The following MIPEP variants were observed in gnomAD, a reference collection of about 807,000 sequenced individuals.
The protein encoded by MIPEP is mitochondrial intermediate peptidase.
Under a neutral mutation model 90.3 loss-of-function variants are expected in MIPEP, and 79 were observed. The observed-to-expected ratio is 0.87, with a 90% confidence interval of 0.73 to 1.05. The LOEUF is 1.05. Ranked by LOEUF, MIPEP falls within the 50% of genes least tolerant of loss-of-function variation. The pLI is 0.00. For missense variants in MIPEP, 940 were observed against 905.6 expected, an observed-to-expected ratio of 1.04 and a Z score of -0.49; for synonymous variants, 334 against 315.8, an observed-to-expected ratio of 1.06 and a Z score of -0.61.
chr13:23,786,224 T>A (rs1952838210), intron 16 of MIPEP, among the ~76,000 whole-genome samples: 1 of 152,092 alleles, frequency 6.6e-6, no homozygotes, highest in Non-Finnish European at 1.5e-5. Flanking sequence ...GAGGACCGTA[T>A]CTTAAAAAAG....
At chr13:23,853,224 T>TA (rs1158562008) in intron 10 of MIPEP, among the ~76,000 whole-genome samples, 1 of 152,196 alleles carries the variant, frequency 6.6e-6, no homozygotes, top group Non-Finnish European at 1.5e-5. Flanking sequence ...TGGTGTACGG[T>TA]AATGTCCTAG....
chr13:23,768,722 G>A (rs1565987049), intron 16 of MIPEP, among the ~76,000 whole-genome samples: 1 of 152,128 alleles, frequency 6.6e-6, no homozygotes, highest in African/African-American at 2.4e-5. Flanking sequence ...GTGACAGAGT[G>A]AGACTCTGTC....
At position 23,836,264 on chromosome 13, in the gene MIPEP, A is replaced by G. The variant is rs766331932; in HGVS notation, c.1629T>C (p.Phe543=). The change falls in exon 14 of 19, where the codon TTT becomes TTC. Residue 543 remains phenylalanine (F), a synonymous_variant. Coordinates refer to ENST00000382172, the MANE Select transcript of MIPEP (RefSeq NM_005932.4). The stretch of plus-strand genomic sequence containing the variant: ...CCTGTCCAGTCTGATAATGTCTGGC[A>G]AATTGGTTAACTACTCGATAATCAT... The part of the protein sequence containing the change: ...FANDYRVVNQ[F]ARHYQTGQPL... 8.1e-6 allele frequency: 13 copies of G among 1,604,572 alleles called. No homozygotes were observed. Among genetic ancestry groups the G allele is most frequent in the Middle Eastern group, 1.7e-4 (1 of 6,050 alleles).
intron 14 of MIPEP, among the ~76,000 whole-genome samples, chr13:23,825,357 GAGA>G (rs1367579650): frequency 1.3e-5 from 2 of 152,182 alleles, no homozygotes; most frequent in Non-Finnish European, 2.9e-5. Flanking sequence ...AGGATGACAG[GAGA>G]AGATTTATTA....
chr13:23,751,337 G>A (rs1191902423), intron 18 of MIPEP, among the ~76,000 whole-genome samples: 3 of 152,198 alleles, frequency 2.0e-5, no homozygotes, highest in African/African-American at 7.2e-5. Context: ...ATTTTAATCA[G>A]CTTAAGGTAA....
intron 8 of MIPEP, 55 bp from the exon 9 acceptor site, chr13:23,862,417 T>G (rs995152742): frequency 1.0e-6 from 1 of 972,232 alleles, no homozygotes; most frequent in Admixed American, 2.1e-5. Flanking sequence ...AATTACATTA[T>G]GAAAGGACTA....
intron 14 of MIPEP, among the ~76,000 whole-genome samples, chr13:23,813,490 GA>G (rs1330405562): frequency 2.0e-5 from 3 of 151,850 alleles, no homozygotes; most frequent in African/African-American, 7.3e-5. Context: ...ATAATGACAA[GA>G]AAAAAAGTCT....
chr13:23,762,935 C>G (rs1228315221), intron 16 of MIPEP, among the ~76,000 whole-genome samples: 2 of 152,160 alleles, frequency 1.3e-5, no homozygotes, highest in Non-Finnish European at 2.9e-5. Context: ...ATGTGGCCTG[C>G]ACAGTCTTTT....
chr13:23,773,110 G>A (rs1026599550), intron 16 of MIPEP, among the ~76,000 whole-genome samples: 17 of 152,034 alleles, frequency 1.1e-4, no homozygotes, highest in Non-Finnish European at 1.8e-4. Flanking sequence ...GAGAAACCCC[G>A]GGCCCATTCG....
rs1555237533 is a variant in MIPEP at position 23,831,386 on chromosome 13, G to GGGTGGGGC, written c.1653+4853_1653+4854insGCCCCACC. 7.2e-5 allele frequency among the ~76,000 whole-genome samples: 5 copies of GGGTGGGGC among 69,416 alleles called. 1 individual carries two copies. Among genetic ancestry groups the GGGTGGGGC allele is most frequent in the African/African-American group, 1.0e-4 (2 of 19,710 alleles). The allele number at this position is 69,416 out of a possible 152,430, so 45.5% of individuals were successfully genotyped here. On this transcript the variant is annotated intron_variant, in intron 14 of 18. Transcript: ENST00000382172. The stretch of plus-strand genomic sequence containing the variant: ...GGACAGCCTAGCTTCCCCATGGCGG[G>GGGTGGGGC]GGGGGGATGTGGATGGGAATTGCCT...
intron 16 of MIPEP, among the ~76,000 whole-genome samples, chr13:23,796,524 G>A (rs1015909353): frequency 6.6e-6 from 1 of 151,636 alleles, no homozygotes; most frequent in African/African-American, 2.4e-5. Context: ...CCAAAATTGT[G>A]CATAACAATG....
intron 16 of MIPEP, among the ~76,000 whole-genome samples, chr13:23,778,509 C>T (rs1952741449): frequency 6.6e-6 from 1 of 152,092 alleles, no homozygotes; most frequent in South Asian, 2.1e-4. Context: ...CAATGGCTAG[C>T]CTTGGGGAGC....
At chr13:23,768,267 G>A (rs1314740844) in intron 16 of MIPEP, among the ~76,000 whole-genome samples, 1 of 152,140 alleles carries the variant, frequency 6.6e-6, no homozygotes, top group African/African-American at 2.4e-5. Flanking sequence ...CAAAACTGAT[G>A]TCTATGCCAC....
chr13:23,773,416 T>C (rs775508649), intron 16 of MIPEP, among the ~76,000 whole-genome samples: 4 of 152,210 alleles, frequency 2.6e-5, no homozygotes, highest in Non-Finnish European at 5.9e-5. Context: ...GTTATGTACA[T>C]TTGTGCATAC....
intron 14 of MIPEP, among the ~76,000 whole-genome samples, chr13:23,832,819 T>C (rs1469154770): frequency 6.6e-6 from 1 of 152,228 alleles, no homozygotes. Flanking sequence ...GATTTCAAGA[T>C]TAATTTACAA....
rs1566009692 is a variant in MIPEP, at chr13:23,831,388, G to GGGGGC, written c.1653+4851_1653+4852insGCCCC. The stretch of plus-strand genomic sequence containing the variant: ...ACAGCCTAGCTTCCCCATGGCGGGG[G>GGGGGC]GGGGATGTGGATGGGAATTGCCTTA... On this transcript the variant is annotated intron_variant, in intron 14 of 18. Transcript: ENST00000382172. Among the ~76,000 whole-genome samples, 7 of 145,862 alleles carry GGGGGC rather than the reference G, an allele frequency of 4.8e-5. 1 individual carries two copies. Among genetic ancestry groups the GGGGGC allele is most frequent in the East Asian group, 4.2e-4 (2 of 4,734 alleles).
chr13:23,767,751 C>T (rs560049153), intron 16 of MIPEP, among the ~76,000 whole-genome samples: 3 of 152,048 alleles, frequency 2.0e-5, no homozygotes, highest in African/African-American at 7.2e-5. Context: ...CACGCCTGGC[C>T]CTTTGTAAAT....
At chr13:23,826,142 C>T (rs1284495403) in intron 14 of MIPEP, among the ~76,000 whole-genome samples, 3 of 151,766 alleles carry the variant, frequency 2.0e-5, no homozygotes, top group East Asian at 1.9e-4. Flanking sequence ...AATTGTTCAT[C>T]GGGGAAACTA....
In MIPEP at chr13:23,874,864, G is replaced by T; in HGVS notation, c.585C>A (p.Ile195=). The T allele has an allele frequency of 6.2e-7, 1 of 1,600,084 alleles. No individual in the cohort carries two copies. The highest frequency in any genetic ancestry group is 8.5e-7 in the Non-Finnish European group (1 of 1,175,362). The change falls in exon 5 of 19, where the codon ATC becomes ATA. Residue 195 remains isoleucine (I), a synonymous_variant. Transcript: ENST00000382172. ...LFMFDFEISG[I]HLDKEKRKRA... is the part of the protein sequence containing the mutation. ...GATGTACCTTTTCTTTGTCTAGATG[G>T]ATTCCACTAATTTCAAAATCAAACA...
Sources: gnomAD v4.1 joint callset for allele counts (sites outside exome capture counted in the v4.1 genomes callset) on GRCh38, gnomAD v4.1.1 for gene constraint, MANE v1.5 for transcripts, NCBI Gene and HGNC (gene_info 2026-07-23, HGNC 2026-07-21) for gene names.